The following PFKP variants were observed in gnomAD, a reference collection of about 807,000 sequenced individuals.
The protein encoded by PFKP is ATP-dependent 6-phosphofructokinase, platelet type.
In PFKP, 101 loss-of-function variants were observed where a neutral mutation model predicts 94.3. The ratio of observed to expected loss-of-function variants is 1.07; its 90% CI spans 0.91 to 1.26. The LOEUF is 1.26. Among genes scored for constraint, PFKP ranks in the 50% most tolerant of loss-of-function variants. PFKP has a pLI of 0.00. For synonymous variants in PFKP, 573 were observed against 432.6 expected (o/e 1.32, Z -4.03); for missense variants, 1,145 against 1,103.3 (o/e 1.04, Z -0.53).
chr10:3,076,299 G>T (rs914704358), intron 1 of PFKP, among the ~76,000 whole-genome samples: 1 of 152,082 alleles, frequency 6.6e-6, no homozygotes, highest in African/African-American at 2.4e-5. Context: ...GTGTTTTTGC[G>T]AAGGCTCTGA....
Position 3,075,987 on chromosome 10 carries a change from C to T in PFKP, c.113-6401C>T, listed in dbSNP as rs541653645. On this transcript the variant is annotated intron_variant, in intron 1 of 21. Transcript: ENST00000381125. The stretch of plus-strand genomic sequence containing the variant: ...GATCGCGCCACTGCAGTCCGCAGTC[C>T]GGCCTGGGCGACAGAGCGAGACTCC... Among the ~76,000 whole-genome samples, 26 of 126,644 alleles carry T rather than the reference C, an allele frequency of 2.1e-4. 2 individuals are homozygous for T. Among genetic ancestry groups the T allele is most frequent in the Middle Eastern group, 4.9e-3 (1 of 206 alleles). The allele number at this position is 126,644 out of a possible 152,430, so 83.1% of individuals were successfully genotyped here.
At chr10:3,134,806 C>T (rs1181930414) in intron 20 of PFKP, among the ~76,000 whole-genome samples, 1 of 152,234 alleles carries the variant, frequency 6.6e-6, no homozygotes, top group East Asian at 1.9e-4. Flanking sequence ...TTTATCACTG[C>T]TAGATGCAGT....
intron 16 of PFKP, among the ~76,000 whole-genome samples, chr10:3,127,410 T>C (rs1487376045): frequency 3.3e-5 from 5 of 152,142 alleles, no homozygotes; most frequent in Non-Finnish European, 7.3e-5. Context: ...CATTAAGCGG[T>C]TGATGTCATT....
intron 16 of PFKP, among the ~76,000 whole-genome samples, chr10:3,123,966 C>CTG: frequency 6.6e-6 from 1 of 150,496 alleles, no homozygotes; most frequent in Non-Finnish European, 1.5e-5. Flanking sequence ...AGCACTGACC[C>CTG]CGTTCACAGC....
intron 2 of PFKP, among the ~76,000 whole-genome samples, chr10:3,084,798 A>AGCCCCTCCCCAGCACGGTCCCCCAT (rs1161633408): frequency 9.4e-6 from 1 of 105,886 alleles, no homozygotes; most frequent in Admixed American, 1.2e-4. Context: ...AGAGTCCTCC[A>AGCCCCTCCCCAGCACGGTCCCCCAT]TCTCCTCCCC....
chr10:3,132,942 A>G (rs1838764524), intron 18 of PFKP, among the ~76,000 whole-genome samples: 1 of 152,232 alleles, frequency 6.6e-6, no homozygotes, highest in Non-Finnish European at 1.5e-5. Flanking sequence ...TCATCACGCT[A>G]CTCAGAATGG....
intron 1 of PFKP, among the ~76,000 whole-genome samples, chr10:3,068,967 C>T (rs1048223056): frequency 6.6e-6 from 1 of 152,078 alleles, no homozygotes; most frequent in Non-Finnish European, 1.5e-5. Flanking sequence ...GGTGACCTTC[C>T]CTTCGCCCTT....
intron 2 of PFKP, among the ~76,000 whole-genome samples, chr10:3,095,803 G>C (rs925955423): frequency 6.6e-6 from 1 of 152,226 alleles, no homozygotes; most frequent in South Asian, 2.1e-4. Context: ...GTGAAAGACG[G>C]CTTAGAACTG....
intron 1 of PFKP, among the ~76,000 whole-genome samples, chr10:3,077,686 T>C (rs951286777): frequency 1.3e-5 from 2 of 152,198 alleles, no homozygotes; most frequent in African/African-American, 4.8e-5. Flanking sequence ...TAAGGGTGAC[T>C]TAAGTCATGC....
rs1336329767 is a variant in PFKP at position 3,118,848 on chromosome 10, G to A, written c.1509G>A (p.Leu503=). The A allele has an allele frequency of 2.5e-6, 4 of 1,613,294 alleles. No homozygotes were observed. The Admixed American group carries it at 6.7e-5, about 27-fold the overall frequency. The change falls in exon 15 of 22, where the codon CTG becomes CTA. Residue 503 remains leucine, a synonymous_variant. Coordinates refer to ENST00000381125, the MANE Select transcript of PFKP (RefSeq NM_002627.5). ...TGCGCACGCACAGCATCAACGCGCTGCTGATCATCGGTGGATTCGAGGTAC... is the reference window on the plus strand; with the variant it reads ...TGCGCACGCACAGCATCAACGCGCTACTGATCATCGGTGGATTCGAGGTAC... The part of the protein sequence containing the change: ...TQMRTHSINA[L]LIIGGFEAYL...
intron 2 of PFKP, among the ~76,000 whole-genome samples, chr10:3,087,984 C>CTTTT (rs1224829610): frequency 0.014 from 1,339 of 96,406 alleles, 45 homozygotes; most frequent in African/African-American, 0.043. Flanking sequence ...ATCTTTCATT[C>CTTTT]TTTTTTTTTT....
At chr10:3,136,178 T>TC (rs1237736196) in intron 21 of PFKP, among the ~76,000 whole-genome samples, 3 of 152,068 alleles carry the variant, frequency 2.0e-5, no homozygotes, top group Non-Finnish European at 4.4e-5. Context: ...GCAGGAGAAA[T>TC]CGCTTGAACC....
intron 17 of PFKP, 82 bp from the exon 18 acceptor site, chr10:3,132,298 C>T: frequency 3.0e-6 from 3 of 1,004,740 alleles, no homozygotes; most frequent in South Asian, 1.3e-5. Context: ...ACTTGGTTGG[C>T]ACTTCCCAGC....
Position 3,126,696 on chromosome 10 carries a change from T to C in PFKP, c.1684-3123T>C, listed in dbSNP as rs568946346. On this transcript the variant is annotated intron_variant, in intron 16 of 21. Coordinates refer to ENST00000381125, the MANE Select transcript of PFKP (RefSeq NM_002627.5). ...CACAGAGAAGTCAGTGGCTTTTTTCTACGTTAATGCTGTAGCAAACGCCAC... is the reference window on the plus strand; with the variant it reads ...CACAGAGAAGTCAGTGGCTTTTTTCCACGTTAATGCTGTAGCAAACGCCAC... Among the ~76,000 whole-genome samples the C allele has an allele frequency of 1.0e-4, 16 of 152,400 alleles. No homozygotes were observed. The South Asian group carries it at 1.4e-3, about 14-fold the overall frequency.
At position 3,120,045 on chromosome 10, in the gene PFKP, G is replaced by A. The variant is rs146573753; in HGVS notation, c.1683+1G>A. The A allele has an allele frequency of 2.3e-4, 364 of 1,613,234 alleles. No homozygotes were observed. Among genetic ancestry groups the A allele is most frequent in the Non-Finnish European group, 2.9e-4 (339 of 1,179,538 alleles). ...CACCGCCCTGAACACTATCACCGAC[G>A]TAAGTCCGTGTGCGCCCTGCCAGGC... On this transcript the variant is annotated splice_donor_variant, in intron 16 of 21. Coordinates refer to ENST00000381125, the MANE Select transcript of PFKP (RefSeq NM_002627.5). LOFTEE classifies it high-confidence loss of function.
At chr10:3,093,881 G>T (rs1834269080) in intron 2 of PFKP, among the ~76,000 whole-genome samples, 1 of 152,098 alleles carries the variant, frequency 6.6e-6, no homozygotes, top group Non-Finnish European at 1.5e-5. Flanking sequence ...CTGACCTTGT[G>T]ATCCGCCCGC....
chr10:3,128,029 A>G (rs1396724213), intron 16 of PFKP, among the ~76,000 whole-genome samples: 1 of 152,132 alleles, frequency 6.6e-6, no homozygotes, highest in Non-Finnish European at 1.5e-5. Context: ...CCCCCACTTC[A>G]TGCTCTTACT....
At chr10:3,070,929 G>A (rs1312462095) in intron 1 of PFKP, among the ~76,000 whole-genome samples, 1 of 142,364 alleles carries the variant, frequency 7.0e-6, no homozygotes, top group Non-Finnish European at 1.6e-5. Context: ...TATTATTTTT[G>A]TAGAGACAGG....
In PFKP at chr10:3,092,111, C is replaced by T. The variant is rs1185224333; in HGVS notation, c.187-7164C>T. ...CTGACCCCCGCCACCGGCCCCCAAG[C>T]TTAGCTCAGGTGCCCGAGGGTCTCC... On this transcript the variant is annotated intron_variant, in intron 2 of 21. Transcript: ENST00000381125. 2.0e-5 allele frequency among the ~76,000 whole-genome samples: 3 copies of T among 151,776 alleles called. No homozygotes were observed. The East Asian group carries it at 5.8e-4, about 29-fold the overall frequency.
Sources: allele counts gnomAD v4.1 joint callset (sites outside exome capture counted in the v4.1 genomes callset), GRCh38; gene constraint gnomAD v4.1.1; transcripts MANE v1.5; gene names NCBI Gene and HGNC (gene_info 2026-07-23, HGNC 2026-07-21).